NPIPB2: variants seen among roughly 807,000 people sequenced by gnomAD.
The protein encoded by NPIPB2 is nuclear pore complex interacting protein family member B2, also known as nuclear pore complex-interacting protein family member B2.
In NPIPB2, 27 loss-of-function variants were observed where a neutral mutation model predicts 30.8. That is an observed-to-expected ratio of 0.88 (90% confidence interval 0.65 to 1.21). NPIPB2 has a LOEUF of 1.21. Ranked by LOEUF, NPIPB2 falls within the 50% of genes most tolerant of loss-of-function variation. The pLI is 0.00. For missense variants in NPIPB2, 440 were observed against 446.2 expected, an observed-to-expected ratio of 0.99 and a Z score of 0.13; for synonymous variants, 147 against 162.0, an observed-to-expected ratio of 0.91 and a Z score of 0.70.
chr16:11,944,806 C>T (rs1195369061), upstream of NPIPB2, among the ~76,000 whole-genome samples: 1 of 132,976 alleles, frequency 7.5e-6, no homozygotes, highest in East Asian at 2.3e-4. Flanking sequence ...AAATAAAATA[C>T]ATTTAGGCCA....
chr16:11,950,950 T>C (rs1194816055), intron 1 of NPIPB2, among the ~76,000 whole-genome samples: 1 of 152,154 alleles, frequency 6.6e-6, no homozygotes, highest in Non-Finnish European at 1.5e-5. Flanking sequence ...GTTTTTCCTA[T>C]GCATATACTA....
intron 1 of NPIPB2, among the ~76,000 whole-genome samples, chr16:11,973,039 A>G (rs1596510242): frequency 6.6e-6 from 1 of 152,028 alleles, no homozygotes; most frequent in East Asian, 1.9e-4. Flanking sequence ...ACATGCCTGT[A>G]ATCCCAGCTA....
At chr16:11,951,182 C>T (rs1360264327) in intron 1 of NPIPB2, among the ~76,000 whole-genome samples, 3 of 151,794 alleles carry the variant, frequency 2.0e-5, no homozygotes, top group South Asian at 2.1e-4. Context: ...CTCGGCCGGG[C>T]GCAGTGGCTC....
rs547363050 is a variant in NPIPB2, at chr16:11,966,662, G to A, written c.-584+9906C>T. 8.4e-4 allele frequency among the ~76,000 whole-genome samples: 128 copies of A among 152,244 alleles called. 1 individual carries two copies. Among genetic ancestry groups the A allele is most frequent in the Middle Eastern group, 3.4e-3 (1 of 294 alleles). On this transcript the variant is annotated intron_variant, in intron 1 of 5. Transcript: ENST00000538896. ...ACATCGATTAAATGCCACATTATCA[G>A]AAACTCCTAGCCAGGTCTGCTACTG...
rs1337049829 is a variant in NPIPB2 at position 11,965,337 on chromosome 16, G to T, written c.-584+11231C>A. The T allele has an allele frequency of 1.9e-6, 3 of 1,614,132 alleles. No individual in the cohort carries two copies. The Admixed American group carries it at 5.0e-5, about 27-fold the overall frequency. On this transcript the variant is annotated intron_variant, in intron 1 of 5. Transcript: ENST00000538896. ...TCTTTTTGTGATCATGTTGCAGATG[G>T]CTGGGCAGTGCTCCCAAAATGAATA...
exon 8 of NPIPB2, chr16:11,927,454 G>C (rs765374143): frequency 1.4e-5 from 15 of 1,106,816 alleles, no homozygotes; most frequent in Non-Finnish European, 1.8e-5. Context: ...CCACCTCAGC[G>C]GCCCTCCGCC....
At chr16:11,953,109 C>G (rs2055082222) in intron 1 of NPIPB2, among the ~76,000 whole-genome samples, 2 of 152,088 alleles carry the variant, frequency 1.3e-5, no homozygotes, top group African/African-American at 4.8e-5. Context: ...ATTTGACGGA[C>G]TTGGAGGACT....
chr16:11,951,023 G>T (rs1395646931), intron 1 of NPIPB2, among the ~76,000 whole-genome samples: 1 of 151,924 alleles, frequency 6.6e-6, no homozygotes, highest in East Asian at 1.9e-4. Context: ...AGGATTCAGG[G>T]TTTAGTTTTA....
chr16:11,956,077 T>A (rs566965767), intron 1 of NPIPB2: 6 of 152,308 alleles, frequency 3.9e-5, no homozygotes, highest in Middle Eastern at 3.4e-3. Flanking sequence ...CATGCATGAA[T>A]CTTTCCTCTG....
At chr16:11,942,119 A>G, upstream of NPIPB2, 2 of 1,532,374 alleles carry the variant, frequency 1.3e-6, no homozygotes, top group Non-Finnish European at 1.7e-6. Context: ...ATCAACCTGT[A>G]TCTCAGGAAC....
intron 1 of NPIPB2, among the ~76,000 whole-genome samples, chr16:11,961,871 A>G (rs1043218555): frequency 6.6e-6 from 1 of 151,906 alleles, no homozygotes; most frequent in Non-Finnish European, 1.5e-5. Flanking sequence ...GTCTGAATAG[A>G]CAGACATAAA....
At chr16:11,957,735 C>A (rs1206271395) in intron 1 of NPIPB2, among the ~76,000 whole-genome samples, 1 of 152,214 alleles carries the variant, frequency 6.6e-6, no homozygotes, top group Non-Finnish European at 1.5e-5. Flanking sequence ...AACACAGACA[C>A]CCTCTCTGAG....
At chr16:11,943,443 C>T (rs1432636057), upstream of NPIPB2, among the ~76,000 whole-genome samples, 22 of 152,202 alleles carry the variant, frequency 1.4e-4, no homozygotes, top group Non-Finnish European at 2.8e-4. Flanking sequence ...GTGGCTCACG[C>T]CTGTAATCCC....
At chr16:11,971,077 G>T (rs936131186) in intron 1 of NPIPB2, among the ~76,000 whole-genome samples, 1 of 145,084 alleles carries the variant, frequency 6.9e-6, no homozygotes, top group Non-Finnish European at 1.5e-5. Flanking sequence ...GGCTGGTCTT[G>T]AACTCCTGGG....
At chr16:11,935,056 G>A (rs1042059519) in intron 2 of NPIPB2, among the ~76,000 whole-genome samples, 3 of 138,196 alleles carry the variant, frequency 2.2e-5, no homozygotes, top group Non-Finnish European at 3.1e-5. Context: ...TTCCTGATCT[G>A]CACTGGAGCA....
chr16:11,970,037 C>G (rs1184135300), intron 1 of NPIPB2, among the ~76,000 whole-genome samples: 1 of 151,556 alleles, frequency 6.6e-6, no homozygotes, highest in Admixed American at 6.6e-5. Context: ...TATACTAACT[C>G]ATTTTAAGCA....
intron 1 of NPIPB2, among the ~76,000 whole-genome samples, chr16:11,947,584 T>A (rs2055024754): frequency 6.6e-6 from 1 of 151,912 alleles, no homozygotes; most frequent in South Asian, 2.1e-4. Flanking sequence ...GACCTCGTGA[T>A]CTGCCCACCT....
At chr16:11,952,456 T>C (rs1230252608) in intron 1 of NPIPB2, among the ~76,000 whole-genome samples, 1 of 152,170 alleles carries the variant, frequency 6.6e-6, no homozygotes, top group African/African-American at 2.4e-5. Context: ...TCTGTTGTCA[T>C]GTACATGATA....
rs187708408 is a variant in NPIPB2, at chr16:11,937,131, C to T, written c.192+409G>A. ...TATGCCTGTTCTATGTTTTTCTTTT[C>T]CTGTTAAGCTGTCTTTTCAGCTCAT... On this transcript the variant is annotated intron_variant, in intron 2 of 7. Coordinates refer to ENST00000399147, the Ensembl canonical transcript of NPIPB2. Among the ~76,000 whole-genome samples the T allele has an allele frequency of 5.6e-3, 851 of 152,218 alleles. 5 individuals carry two copies. The highest frequency in any genetic ancestry group is 7.5e-3 in the Non-Finnish European group (509 of 68,038).
Sources: gnomAD v4.1 joint callset for allele counts (sites outside exome capture counted in the v4.1 genomes callset) on GRCh38, gnomAD v4.1.1 for gene constraint, MANE v1.5 for transcripts, NCBI Gene and HGNC (gene_info 2026-07-23, HGNC 2026-07-21) for gene names.